RPS6KA3: variants seen among roughly 807,000 people sequenced by gnomAD.
The protein encoded by RPS6KA3 is ribosomal protein S6 kinase A3, also known as ribosomal protein S6 kinase alpha-3.
Under a neutral mutation model 67.2 loss-of-function variants are expected in RPS6KA3, and 4 were observed. The observed-to-expected ratio is 0.06, with a 90% CI of 0.03 to 0.14. RPS6KA3 has a LOEUF of 0.14. RPS6KA3 is among the 10% of genes least tolerant of loss of function. The pLI, the probability that RPS6KA3 is intolerant of heterozygous loss-of-function variation, is 1.00. For synonymous variants in RPS6KA3, 182 were observed against 183.7 expected, an observed-to-expected ratio of 0.99 and a Z score of 0.07; for missense variants, 204 against 559.0, an observed-to-expected ratio of 0.36 and a Z score of 6.40.
At chrX:20,254,815 T>C (rs984349278) in intron 1 of RPS6KA3, among the ~76,000 whole-genome samples, 1 of 111,615 alleles carries the variant, frequency 9.0e-6, no homozygotes, top group African/African-American at 3.3e-5. Flanking sequence ...AGTAGGATGG[T>C]TATAGTAAAA....
chrX:20,220,185 A>T (rs968484155), intron 2 of RPS6KA3, among the ~76,000 whole-genome samples: 23 of 110,764 alleles, frequency 2.1e-4, no homozygotes, highest in South Asian at 3.7e-4. Flanking sequence ...TCTATAAATG[A>T]CCTAATGGAA....
At chrX:20,258,071 T>A (rs2070121791) in intron 1 of RPS6KA3, among the ~76,000 whole-genome samples, 1 of 112,131 alleles carries the variant, frequency 8.9e-6, no homozygotes, top group African/African-American at 3.2e-5. Flanking sequence ...AAGATACAAA[T>A]CATACAAGGT....
chrX:20,175,085 C>A, intron 14 of RPS6KA3, 79 bp downstream of exon 14: 1 of 954,449 alleles, frequency 1.0e-6, no homozygotes, highest in South Asian at 1.9e-5. Context: ...CACTTGAAGT[C>A]AGTAGAAAAA....
At position 20,255,789 on chromosome X, in the gene RPS6KA3, CAAAAAAAAAAAAAAAAA is replaced by C. The variant is rs766544803; in HGVS notation, c.69+10758_69+10774del. On this transcript the variant is annotated intron_variant, in intron 1 of 21. Coordinates refer to ENST00000379565, the MANE Select transcript of RPS6KA3 (RefSeq NM_004586.3). ...TGGGCAATAGAGCAAAATTTCGTCT[CAAAAAAAAAAAAAAAAA>C]AAAAAAAAAAAAAGGAATTAGGCCG... is the stretch of plus-strand genomic sequence containing the variant. 7.0e-3 allele frequency among the ~76,000 whole-genome samples: 121 copies of C among 17,167 alleles called. 3 individuals are homozygous for C. In the East Asian group the frequency reaches 0.18, roughly 25 times the overall value. The allele number at this position is 17,167 out of a possible 115,157, so 14.9% of individuals were successfully genotyped here.
At chrX:20,176,867 C>T in intron 11 of RPS6KA3, 129 bp downstream of exon 11, 1 of 529,215 alleles carries the variant, frequency 1.9e-6, no homozygotes, top group South Asian at 2.9e-5. Context: ...GCTGGGATTA[C>T]AGGCGTGAGC....
At chrX:20,240,646 G>C in intron 1 of RPS6KA3, 1 of 208,835 alleles carries the variant, frequency 4.8e-6, no homozygotes, top group Non-Finnish European at 7.1e-6. Flanking sequence ...CTTATGTACA[G>C]TGATATTCAT....
chrX:20,155,594 G>GT (rs1416408024), intron 21 of RPS6KA3, 74 bp from the exon 22 acceptor site: 20 of 1,058,165 alleles, frequency 1.9e-5, no homozygotes, highest in Admixed American at 2.2e-5. Context: ...AAAATGAAGA[G>GT]TTTTTTCATA....
At position 20,175,223 on chromosome X, in the gene RPS6KA3, T is replaced by G; in HGVS notation, c.1168A>C (p.Ile390Leu). The change falls in exon 14 of 22, where the codon ATT (isoleucine) becomes CTT (leucine). Residue 390 changes from isoleucine (I) to leucine (L), a missense_variant. This residue lies in a region of RPS6KA3 where 24 missense variants were observed against 25.1 expected (regional missense o/e 0.96). Transcript: ENST00000379565. ...GCTTGGCTTTCATCATCTGAGGTAA[T>G]AGCAACAAAACTAAACCCCCGAAAA... ...QLFRGFSFVA[I>L]TSDDESQAMQ... The G allele has an allele frequency of 1.7e-6, 2 of 1,207,236 alleles. No homozygotes were observed. Among genetic ancestry groups the G allele is most frequent in the East Asian group, 3.0e-5 (1 of 33,850 alleles).
intron 1 of RPS6KA3, among the ~76,000 whole-genome samples, chrX:20,257,134 G>A (rs954757831): frequency 1.1e-4 from 12 of 111,843 alleles, no homozygotes; most frequent in Non-Finnish European, 2.3e-4. Context: ...GGATAATTCT[G>A]TATACTTCAT....
chrX:20,161,117 G>A (rs1392400408), intron 20 of RPS6KA3, among the ~76,000 whole-genome samples: 3 of 111,620 alleles, frequency 2.7e-5, no homozygotes, highest in South Asian at 3.7e-4. Flanking sequence ...TCTGTTTATC[G>A]TGAAAAAACC....
At chrX:20,238,186 G>A (rs1421426550) in intron 1 of RPS6KA3, among the ~76,000 whole-genome samples, 1 of 111,162 alleles carries the variant, frequency 9.0e-6, no homozygotes, top group Non-Finnish European at 1.9e-5. Context: ...CATCTTAAAG[G>A]GTGGTATATG....
chrX:20,192,824 C>T (rs1036533829), intron 7 of RPS6KA3, among the ~76,000 whole-genome samples: 1 of 109,649 alleles, frequency 9.1e-6, no homozygotes, highest in African/African-American at 3.3e-5. Flanking sequence ...AACTCCTGGG[C>T]TCATGCAATT....
At chrX:20,191,718 A>G (rs2068134299) in intron 7 of RPS6KA3, among the ~76,000 whole-genome samples, 1 of 112,021 alleles carries the variant, frequency 8.9e-6, no homozygotes, top group South Asian at 3.7e-4. Context: ...CAAAATTCTT[A>G]ATATGATGGT....
Position 20,228,360 on chromosome X carries a change from A to G in RPS6KA3, c.126+6398T>C, listed in dbSNP as rs190553593. On this transcript the variant is annotated intron_variant, in intron 2 of 21. Coordinates refer to ENST00000379565, the MANE Select transcript of RPS6KA3 (RefSeq NM_004586.3). ...CAGCTTTTACACTAAAGGTCTCCCA[A>G]AGGACAGTATCTGACATTTCTTCAG... is the stretch of plus-strand genomic sequence containing the variant. Among the ~76,000 whole-genome samples, 339 of 111,810 alleles carry G rather than the reference A, an allele frequency of 3.0e-3. 3 individuals carry two copies. Among genetic ancestry groups the G allele is most frequent in the African/African-American group, 0.011 (327 of 30,768 alleles).
intron 21 of RPS6KA3, 97 bp downstream of exon 21, chrX:20,156,012 C>T: frequency 1.1e-6 from 1 of 925,290 alleles, no homozygotes; most frequent in Non-Finnish European, 1.6e-6. Flanking sequence ...GAACTGGATG[C>T]AGGATGAAAG....
chrX:20,167,231 G>A lies in RPS6KA3; in HGVS notation c.1602+358C>T, dbSNP rs1276014287. On this transcript the variant is annotated intron_variant, in intron 17 of 21. Transcript: ENST00000379565. Reference sequence around the variant, plus strand: ...TGACTCCTTGGCCTCATTGTTTTAAGGATTTCCTTTTATACATGAATACAA... The same window carrying A: ...TGACTCCTTGGCCTCATTGTTTTAAAGATTTCCTTTTATACATGAATACAA... 4.5e-5 allele frequency among the ~76,000 whole-genome samples: 5 copies of A among 111,954 alleles called. No individual in the cohort carries two copies. In the East Asian group the frequency reaches 1.1e-3, roughly 25 times the overall value.
intron 1 of RPS6KA3, among the ~76,000 whole-genome samples, chrX:20,239,329 T>C (rs2069493613): frequency 8.9e-6 from 1 of 111,736 alleles, no homozygotes; most frequent in Non-Finnish European, 1.9e-5. Context: ...AAAGATGTAA[T>C]GCAATGAAGA....
intron 2 of RPS6KA3, among the ~76,000 whole-genome samples, chrX:20,216,820 C>A (rs752221204): frequency 9.0e-6 from 1 of 111,108 alleles, no homozygotes; most frequent in Non-Finnish European, 1.9e-5. Flanking sequence ...AAAATTCAGG[C>A]GGCTCTCCTG....
intron 1 of RPS6KA3, among the ~76,000 whole-genome samples, chrX:20,245,390 A>G: frequency 8.9e-6 from 1 of 112,223 alleles, no homozygotes; most frequent in Admixed American, 9.4e-5. Context: ...AGTTTTATCT[A>G]TACCTGTCAA....
Sources: gnomAD v4.1 joint callset for allele counts (sites outside exome capture counted in the v4.1 genomes callset) on GRCh38, gnomAD v4.1.1 for gene constraint, gnomAD v4.1.1 regional missense constraint, MANE v1.5 for transcripts, NCBI Gene and HGNC (gene_info 2026-07-23, HGNC 2026-07-21) for gene names.